Variants in RGS9 observed in about 807,000 individuals in gnomAD.
RGS9 encodes regulator of G protein signaling 9.
In RGS9, 78 loss-of-function variants were observed where a neutral mutation model predicts 102.0. The ratio of observed to expected loss-of-function variants is 0.76; its 90% CI spans 0.64 to 0.92. The LOEUF is 0.92. Among genes scored for constraint, RGS9 ranks in the 40% least tolerant of loss-of-function variants. The probability of loss-of-function intolerance (pLI) is 0.00; values close to 1 mark genes in which losing one functional copy is unlikely to be tolerated. For missense variants in RGS9, 833 were observed against 866.1 expected (o/e 0.96, Z 0.48); for synonymous variants, 353 against 318.6 (o/e 1.11, Z -1.15).
intron 9 of RGS9, chr17:65,188,823 C>T (rs534787006): frequency 7.9e-4 from 143 of 180,044 alleles, no homozygotes; most frequent in African/African-American, 3.1e-3. Flanking sequence ...TCATGTTGCT[C>T]GGGCTAGCCT....
chr17:65,202,501 A>C (rs1912898514), intron 14 of RGS9, among the ~76,000 whole-genome samples: 1 of 149,744 alleles, frequency 6.7e-6, no homozygotes, highest in African/African-American at 2.5e-5. Flanking sequence ...CAAGATGGGA[A>C]ACCTATTCCT....
chr17:65,224,755 A>G (rs1905542055), intron 17 of RGS9, among the ~76,000 whole-genome samples: 1 of 152,154 alleles, frequency 6.6e-6, no homozygotes, highest in Admixed American at 6.5e-5. Context: ...CCGGGATACA[A>G]CTGCTTAGCC....
At chr17:65,167,593 C>T (rs753179068) in intron 7 of RGS9, among the ~76,000 whole-genome samples, 1 of 152,130 alleles carries the variant, frequency 6.6e-6, no homozygotes, top group South Asian at 2.1e-4. Context: ...GTTACAGGCA[C>T]GGAGGAGAGA....
At chr17:65,189,451 G>C in intron 10 of RGS9, 136 bp downstream of exon 10, 1 of 746,858 alleles carries the variant, frequency 1.3e-6, no homozygotes, top group Admixed American at 2.0e-5. Context: ...CCAAATTCAC[G>C]GACAGCACAG....
At chr17:65,164,376 G>T (rs892886411) in intron 7 of RGS9, among the ~76,000 whole-genome samples, 1 of 152,226 alleles carries the variant, frequency 6.6e-6, no homozygotes, top group Admixed American at 6.5e-5. Context: ...CAACGTCAAA[G>T]GTTGGTGGGT....
chr17:65,198,348 G>A (rs1912676993), intron 13 of RGS9, among the ~76,000 whole-genome samples: 1 of 151,478 alleles, frequency 6.6e-6, no homozygotes, highest in African/African-American at 2.4e-5. Flanking sequence ...CATTGCCTCC[G>A]AGGTTCAAGT....
chr17:65,163,598 GA>G (rs1309472241), intron 7 of RGS9, among the ~76,000 whole-genome samples: 1 of 152,206 alleles, frequency 6.6e-6, no homozygotes, highest in Non-Finnish European at 1.5e-5. Context: ...GCAGATGAAA[GA>G]ATAGGCTATG....
chr17:65,141,799 T>G (rs1189458259), intron 1 of RGS9, among the ~76,000 whole-genome samples: 2 of 152,148 alleles, frequency 1.3e-5, no homozygotes, highest in Non-Finnish European at 2.9e-5. Context: ...AAGTCAGTAG[T>G]TTTTGGCCAG....
chr17:65,220,286 CG>C (rs1403637226), intron 17 of RGS9, among the ~76,000 whole-genome samples: 1 of 152,174 alleles, frequency 6.6e-6, no homozygotes, highest in Non-Finnish European at 1.5e-5. Flanking sequence ...TTTTGCAGTG[CG>C]GTCCTCCAGC....
intron 1 of RGS9, among the ~76,000 whole-genome samples, chr17:65,150,483 G>T (rs1197134953): frequency 6.6e-6 from 1 of 152,058 alleles, no homozygotes; most frequent in Non-Finnish European, 1.5e-5. Flanking sequence ...TTAGCTGGGC[G>T]TGGTGGCGGG....
intron 2 of RGS9, among the ~76,000 whole-genome samples, chr17:65,154,096 C>T (rs1034836525): frequency 2.0e-5 from 3 of 152,100 alleles, no homozygotes; most frequent in Non-Finnish European, 4.4e-5. Flanking sequence ...CACCTGAGGT[C>T]GGGAGTTCGA....
rs529602514 is a variant in RGS9, at chr17:65,172,910, T to TTTTC, written c.582+4649_582+4652dup. Among the ~76,000 whole-genome samples the TTTTC allele has an allele frequency of 5.7e-3, 858 of 151,732 alleles. 9 individuals carry two copies. Among genetic ancestry groups the TTTTC allele is most frequent in the African/African-American group, 0.019 (772 of 41,306 alleles). On this transcript the variant is annotated intron_variant, in intron 8 of 18. Transcript: ENST00000262406. ...CTGTTTCACCTCATCTCTATTTCTT[T>TTTTC]TTTCTTTCTTTCTTTCTTTCTTTTT... is the stretch of plus-strand genomic sequence containing the variant.
chr17:65,187,132 A>G (rs992362095), intron 9 of RGS9, among the ~76,000 whole-genome samples: 6 of 152,174 alleles, frequency 3.9e-5, no homozygotes, highest in Admixed American at 1.3e-4. Flanking sequence ...AAAAAATGCT[A>G]TTAAGCTTAG....
At chr17:65,208,407 G>T (rs1057267425) in intron 16 of RGS9, among the ~76,000 whole-genome samples, 1 of 152,168 alleles carries the variant, frequency 6.6e-6, no homozygotes, top group Non-Finnish European at 1.5e-5. Context: ...ATAGCAGATT[G>T]CACCCCAAGA....
chr17:65,222,496 T>G (rs1913735190), intron 17 of RGS9, among the ~76,000 whole-genome samples: 1 of 152,224 alleles, frequency 6.6e-6, no homozygotes, highest in Non-Finnish European at 1.5e-5. Flanking sequence ...CACTGACTAG[T>G]CATGAGAGCT....
intron 17 of RGS9, among the ~76,000 whole-genome samples, chr17:65,216,633 A>G (rs1913533542): frequency 6.6e-6 from 1 of 152,190 alleles, no homozygotes; most frequent in Non-Finnish European, 1.5e-5. Flanking sequence ...TTACAGTGTC[A>G]TGAAGTCAAG....
intron 13 of RGS9, among the ~76,000 whole-genome samples, 166 bp from the exon 14 acceptor site, chr17:65,201,827 T>C (rs1249520213): frequency 6.6e-6 from 1 of 152,198 alleles, no homozygotes; most frequent in Non-Finnish European, 1.5e-5. Flanking sequence ...AGGAGTATTG[T>C]TGTCTAGCAT....
chr17:65,163,982 G>A (rs921982092), intron 7 of RGS9, among the ~76,000 whole-genome samples: 9 of 152,194 alleles, frequency 5.9e-5, no homozygotes, highest in Non-Finnish European at 1.3e-4. Context: ...TTAGAACCAC[G>A]CCTCGTTCAC....
chr17:65,155,209 C>T (rs1009519673), intron 2 of RGS9, among the ~76,000 whole-genome samples: 3 of 152,188 alleles, frequency 2.0e-5, no homozygotes, highest in Non-Finnish European at 4.4e-5. Flanking sequence ...CTTTGTGTCC[C>T]CCATCACCTC....
Sources: gnomAD v4.1 joint callset for allele counts (sites outside exome capture counted in the v4.1 genomes callset) on GRCh38, gnomAD v4.1.1 for gene constraint, MANE v1.5 for transcripts, NCBI Gene and HGNC (gene_info 2026-07-23, HGNC 2026-07-21) for gene names.